CAMK2G: variants seen among roughly 807,000 people sequenced by gnomAD.
CAMK2G encodes calcium/calmodulin dependent protein kinase II gamma, also known as calcium/calmodulin-dependent protein kinase type II subunit gamma.
CAMK2G carries 23 observed loss-of-function variants against 88.7 expected under a neutral mutation model. The observed-to-expected ratio is 0.26, with a 90% confidence interval of 0.19 to 0.37. CAMK2G has a LOEUF of 0.37. CAMK2G is among the 10% of genes least tolerant of loss of function. The probability of loss-of-function intolerance (pLI) is 1.00; values close to 1 mark genes in which losing one functional copy is unlikely to be tolerated. For missense variants in CAMK2G, 476 were observed against 780.8 expected (o/e 0.61, Z 4.65); for synonymous variants, 263 against 294.8 (o/e 0.89, Z 1.11).
At chr10:73,849,224 T>A (rs778499597) in intron 6 of CAMK2G, 37 bp downstream of exon 6, 5 of 1,595,670 alleles carry the variant, frequency 3.1e-6, no homozygotes, top group Admixed American at 3.3e-5. Context: ...CGCCAACACT[T>A]CATGAGCAGA....
At chr10:73,834,063 C>T (rs957689946) in intron 14 of CAMK2G, among the ~76,000 whole-genome samples, 1 of 151,802 alleles carries the variant, frequency 6.6e-6, no homozygotes, top group Non-Finnish European at 1.5e-5. Context: ...GGACTACAGG[C>T]GCCTGCCACC....
chr10:73,872,529 C>CT (rs2095869250), intron 2 of CAMK2G, among the ~76,000 whole-genome samples: 2 of 152,248 alleles, frequency 1.3e-5, no homozygotes, highest in Admixed American at 6.5e-5. Context: ...GGAGTCTGTT[C>CT]TGCCGCCTGG....
At chr10:73,824,470 C>T (rs2090241040) in intron 16 of CAMK2G, among the ~76,000 whole-genome samples, 1 of 152,236 alleles carries the variant, frequency 6.6e-6, no homozygotes, top group Admixed American at 6.5e-5. Flanking sequence ...CAGCGTTCAT[C>T]ACGGGGAATG....
intron 15 of CAMK2G, among the ~76,000 whole-genome samples, chr10:73,826,364 CAG>C (rs1336435226): frequency 6.6e-6 from 1 of 152,180 alleles, no homozygotes; most frequent in Non-Finnish European, 1.5e-5. Flanking sequence ...ACCTGGGAGG[CAG>C]AGATTGCAGT....
At chr10:73,849,466 G>A (rs2094474897) in intron 5 of CAMK2G, 133 bp from the exon 6 acceptor site, 3 of 649,634 alleles carry the variant, frequency 4.6e-6, no homozygotes, top group Admixed American at 2.4e-5. Context: ...ACGGCCACTG[G>A]AACCTTAGAC....
At chr10:73,855,696 G>T (rs2094977995) in intron 3 of CAMK2G, among the ~76,000 whole-genome samples, 1 of 152,248 alleles carries the variant, frequency 6.6e-6, no homozygotes, top group South Asian at 2.1e-4. Flanking sequence ...CCGGGGAAGG[G>T]AATTAGAAGA....
intron 5 of CAMK2G, among the ~76,000 whole-genome samples, chr10:73,850,639 G>A (rs181040172): frequency 2.1e-4 from 32 of 152,326 alleles, no homozygotes; most frequent in East Asian, 1.9e-3. Flanking sequence ...ATAGACCCCC[G>A]TCATCAGGCA....
chr10:73,872,711 C>G (rs1231519215), intron 2 of CAMK2G, among the ~76,000 whole-genome samples: 1 of 152,208 alleles, frequency 6.6e-6, no homozygotes. Flanking sequence ...CCCACTACCC[C>G]CATATCCTCC....
At chr10:73,817,418 G>A in intron 20 of CAMK2G, 61 bp downstream of exon 20, 5 of 1,183,254 alleles carry the variant, frequency 4.2e-6, no homozygotes, top group Non-Finnish European at 6.3e-6. Flanking sequence ...ATTGTTGTCT[G>A]GAAGCAGGGA....
intron 10 of CAMK2G, among the ~76,000 whole-genome samples, chr10:73,844,901 A>C (rs1338103828): frequency 6.6e-6 from 1 of 152,056 alleles, no homozygotes; most frequent in Non-Finnish European, 1.5e-5. Context: ...CCCCAACTTA[A>C]TCAGGGACTC....
intron 19 of CAMK2G, among the ~76,000 whole-genome samples, chr10:73,817,991 C>A (rs894481681): frequency 6.6e-6 from 1 of 152,168 alleles, no homozygotes; most frequent in African/African-American, 2.4e-5. Context: ...TCTCAATCAC[C>A]ACCCCCACTC....
chr10:73,852,395 G>A (rs1339565363), intron 4 of CAMK2G, 76 bp from the exon 5 acceptor site: 2 of 1,211,632 alleles, frequency 1.7e-6, no homozygotes, highest in South Asian at 1.2e-5. Flanking sequence ...GAAGAAACAG[G>A]GTCACCCTGT....
chr10:73,832,010 C>T (rs980629511), intron 14 of CAMK2G, among the ~76,000 whole-genome samples: 3 of 151,622 alleles, frequency 2.0e-5, no homozygotes, highest in Non-Finnish European at 4.4e-5. Context: ...CTCAGCCTCC[C>T]AAGTAGCTGG....
Position 73,815,073 on chromosome 10 carries a change from C to T in CAMK2G, c.1709G>A (p.Gly570Asp). Residue 570 changes from glycine to aspartate, a missense_variant, in exon 22 of 23, where the codon GGC becomes GAC. Gly to Asp is a moderately conservative substitution (Grantham distance 94). Coordinates refer to ENST00000423381, the MANE Select transcript of CAMK2G (RefSeq NM_001367534.1). ...GTGATAGTGGACATTGAGCCACTTG[C>T]CATCCCGACGGTGCCAGACCCGGGT... ...EETRVWHRRD[G>D]KWLNVHYHCS... The T allele has an allele frequency of 6.2e-7, 1 of 1,614,172 alleles. No homozygotes were observed. Among genetic ancestry groups the T allele is most frequent in the East Asian group, 2.2e-5 (1 of 44,880 alleles).
intron 5 of CAMK2G, among the ~76,000 whole-genome samples, chr10:73,851,748 TG>T (rs113127771): frequency 1.0e-3 from 12 of 11,510 alleles, no homozygotes; most frequent in South Asian, 0.01. Flanking sequence ...TGATTTTTTT[TG>T]TGGGGGGGGG....
At chr10:73,873,322 G>A (rs2095908244) in intron 1 of CAMK2G, 10 of 1,358,666 alleles carry the variant, frequency 7.4e-6, no homozygotes, top group Middle Eastern at 2.8e-4. Context: ...TCCAGTCCCT[G>A]GGCAAGGCAA....
At chr10:73,815,375 C>G (rs1336754236) in intron 21 of CAMK2G, 128 bp from the exon 22 acceptor site, 56 of 657,836 alleles carry the variant, frequency 8.5e-5, no homozygotes, top group South Asian at 7.6e-4. Flanking sequence ...TACCGCCCCC[C>G]CCCACCCCCG....
intron 10 of CAMK2G, among the ~76,000 whole-genome samples, chr10:73,845,524 G>A (rs1590711327): frequency 6.6e-6 from 1 of 151,250 alleles, no homozygotes; most frequent in African/African-American, 2.4e-5. Context: ...AGAGCTTGCA[G>A]TGAGACCGCG....
intron 2 of CAMK2G, among the ~76,000 whole-genome samples, chr10:73,865,202 C>T (rs1239241783): frequency 1.3e-5 from 2 of 152,198 alleles, no homozygotes; most frequent in Non-Finnish European, 2.9e-5. Context: ...GGCTTCTGGG[C>T]TCCCCACATG....
Sources: allele counts gnomAD v4.1 joint callset (sites outside exome capture counted in the v4.1 genomes callset), GRCh38; gene constraint gnomAD v4.1.1; transcripts MANE v1.5; gene names NCBI Gene and HGNC (gene_info 2026-07-23, HGNC 2026-07-21).